Variants in TENM4 observed in about 807,000 individuals in gnomAD.
TENM4 encodes the protein teneurin transmembrane protein 4.
A neutral mutation model predicts 243.3 loss-of-function variants in TENM4; 82 were observed. The ratio of observed to expected loss-of-function variants is 0.34; its 90% CI spans 0.28 to 0.40. TENM4 has a LOEUF of 0.40. TENM4 is among the 10% of genes least tolerant of loss of function. TENM4 has a pLI of 1.00. For synonymous variants in TENM4, 1,412 were observed against 1,456.3 expected (o/e 0.97, Z 0.69); for missense variants, 3,138 against 3,673.3 (o/e 0.85, Z 3.77).
intron 1 of TENM4, among the ~76,000 whole-genome samples, chr11:79,405,471 TTAGAA>T (rs1858546592): frequency 1.4e-5 from 2 of 144,902 alleles, no homozygotes; most frequent in Non-Finnish European, 3.0e-5. Context: ...AGAAGAAGGC[TTAGAA>T]TGTAAAAAAA....
chr11:79,035,579 C>T (rs1013336507), intron 6 of TENM4, among the ~76,000 whole-genome samples: 1 of 151,660 alleles, frequency 6.6e-6, no homozygotes. Flanking sequence ...AAGACAAAAT[C>T]GCCCATAATT....
At chr11:78,763,318 C>G (rs75896080) in intron 18 of TENM4, among the ~76,000 whole-genome samples, 14,086 of 152,076 alleles carry the variant, frequency 0.093, 1,600 homozygotes, top group African/African-American at 0.27. Context: ...AGGCCCTGGA[C>G]GCTAGGGATG....
intron 18 of TENM4, among the ~76,000 whole-genome samples, chr11:78,759,252 A>C (rs1236892761): frequency 6.6e-6 from 1 of 152,214 alleles, no homozygotes; most frequent in Admixed American, 6.5e-5. Context: ...GGCAGCCTCC[A>C]TCACACATTC....
chr11:79,361,323 C>G (rs997227652), intron 1 of TENM4, among the ~76,000 whole-genome samples: 20 of 152,168 alleles, frequency 1.3e-4, no homozygotes, highest in African/African-American at 4.3e-4. Flanking sequence ...TTCTTACCAG[C>G]CTCAAATACA....
At position 78,812,120 on chromosome 11, in the gene TENM4, A is replaced by G; in HGVS notation, c.1978+2T>C. On this transcript the variant is annotated splice_donor_variant, in intron 14 of 33. Transcript: ENST00000278550. LOFTEE classifies it high-confidence loss of function. Reference sequence around the variant, plus strand: ...GCCGGAGCTGCCACCTGCAACTCTTACCTTCCTCACAGCTCTCGCCCTTGT... The same window carrying G: ...GCCGGAGCTGCCACCTGCAACTCTTGCCTTCCTCACAGCTCTCGCCCTTGT... The G allele has an allele frequency of 1.3e-6, 2 of 1,549,170 alleles. No homozygotes were observed. Among genetic ancestry groups the G allele is most frequent in the Non-Finnish European group, 1.7e-6 (2 of 1,145,716 alleles).
intron 14 of TENM4, among the ~76,000 whole-genome samples, chr11:78,806,909 T>C (rs1191513596): frequency 6.6e-6 from 1 of 152,246 alleles, no homozygotes; most frequent in African/African-American, 2.4e-5. Flanking sequence ...CTCTATGAAT[T>C]TGACTACTCT....
intron 15 of TENM4, among the ~76,000 whole-genome samples, chr11:78,800,684 T>A (rs1024097809): frequency 2.0e-5 from 3 of 151,404 alleles, no homozygotes; most frequent in African/African-American, 7.3e-5. Context: ...TAATGTATGT[T>A]TGTCCCTATG....
chr11:78,957,127 T>C (rs1428563896), intron 6 of TENM4, among the ~76,000 whole-genome samples: 1 of 152,210 alleles, frequency 6.6e-6, no homozygotes, highest in Non-Finnish European at 1.5e-5. Flanking sequence ...AGGAGTTAGG[T>C]ACTTAACTTT....
At chr11:78,879,662 G>C (rs181981427) in intron 9 of TENM4, among the ~76,000 whole-genome samples, 1 of 143,170 alleles carries the variant, frequency 7.0e-6, no homozygotes, top group Non-Finnish European at 1.5e-5. Context: ...CCGCCACACC[G>C]TCTGGGAGGT....
At chr11:78,782,258 T>A (rs2136023680) in intron 16 of TENM4, among the ~76,000 whole-genome samples, 2 of 134,336 alleles carry the variant, frequency 1.5e-5, no homozygotes. Flanking sequence ...CAGGAGTTGT[T>A]AGAGACCAGC....
At chr11:79,327,947 T>C (rs1336312564) in intron 1 of TENM4, among the ~76,000 whole-genome samples, 4 of 152,182 alleles carry the variant, frequency 2.6e-5, no homozygotes, top group African/African-American at 4.8e-5. Context: ...TCAGTGCACT[T>C]AATGACAGCC....
chr11:78,853,965 T>C, intron 12 of TENM4, 139 bp downstream of exon 12: 3 of 810,492 alleles, frequency 3.7e-6, no homozygotes, highest in Non-Finnish European at 3.8e-6. Context: ...GCAGGCCCAG[T>C]CAGGAGGGTC....
At chr11:78,665,810 C>T (rs563652719) in intron 32 of TENM4, among the ~76,000 whole-genome samples, 77 of 152,232 alleles carry the variant, frequency 5.1e-4, no homozygotes, top group South Asian at 2.1e-3. Context: ...ATATCTGTAG[C>T]GGACATTTTT....
intron 2 of TENM4, among the ~76,000 whole-genome samples, chr11:79,268,629 T>C (rs1177863312): frequency 6.6e-6 from 1 of 152,198 alleles, no homozygotes; most frequent in African/African-American, 2.4e-5. Flanking sequence ...TTGTGGACCA[T>C]GCATAAAGAG....
intron 7 of TENM4, among the ~76,000 whole-genome samples, chr11:78,894,475 A>C (rs1475988523): frequency 2.0e-5 from 3 of 152,250 alleles, no homozygotes; most frequent in African/African-American, 7.2e-5. Context: ...TAACTTTTAC[A>C]ATTTAAAAAG....
chr11:78,825,596 A>G (rs1857832453), intron 12 of TENM4, among the ~76,000 whole-genome samples: 1 of 152,224 alleles, frequency 6.6e-6, no homozygotes. Context: ...GGGCAGAAAG[A>G]TCTAAACTAC....
Position 79,399,689 on chromosome 11 carries a change from A to C in TENM4, c.-321+40820T>G, listed in dbSNP as rs555029161. Among the ~76,000 whole-genome samples the C allele has an allele frequency of 6.6e-5, 10 of 152,322 alleles. No individual in the cohort carries two copies. The South Asian group carries it at 1.7e-3, about 25-fold the overall frequency. ...GGAAACACATACATTCACATCAAAA[A>C]AAAAGAGAGAAACAGAAACATGTGG... On this transcript the variant is annotated intron_variant, in intron 1 of 33. Coordinates refer to ENST00000278550, the MANE Select transcript of TENM4 (RefSeq NM_001098816.3).
At chr11:78,882,155 C>G (rs1001917982) in intron 9 of TENM4, among the ~76,000 whole-genome samples, 2 of 152,140 alleles carry the variant, frequency 1.3e-5, no homozygotes, top group African/African-American at 4.8e-5. Flanking sequence ...ACAAATAACA[C>G]CTAGGCCCAA....
At chr11:78,978,265 A>G (rs530595881) in intron 6 of TENM4, among the ~76,000 whole-genome samples, 1 of 152,040 alleles carries the variant, frequency 6.6e-6, no homozygotes, top group Non-Finnish European at 1.5e-5. Context: ...TGACATGTTG[A>G]TAAGTGCAGT....
Sources: allele counts gnomAD v4.1 joint callset (sites outside exome capture counted in the v4.1 genomes callset), GRCh38; gene constraint gnomAD v4.1.1; transcripts MANE v1.5; gene names NCBI Gene and HGNC (gene_info 2026-07-23, HGNC 2026-07-21).